The following TARBP1 variants were observed in gnomAD, a reference collection of about 807,000 sequenced individuals.
TARBP1 encodes tRNA guanosine 2 -O-methyltransferase TARBP1.
A neutral mutation model predicts 178.6 loss-of-function variants in TARBP1; 144 were observed. That is an observed-to-expected ratio of 0.81 (90% CI 0.70 to 0.93). The LOEUF (loss-of-function observed/expected upper bound fraction) is 0.93. TARBP1 is among the 40% of genes least tolerant of loss of function. TARBP1 has a pLI of 0.00. For missense variants in TARBP1, 2,067 were observed against 2,011.7 expected (o/e 1.03, Z -0.53); for synonymous variants, 787 against 781.0 (o/e 1.01, Z -0.13).
At chr1:234,466,977 A>G (rs1406677758) in intron 4 of TARBP1, among the ~76,000 whole-genome samples, 1 of 152,244 alleles carries the variant, frequency 6.6e-6, no homozygotes, top group African/African-American at 2.4e-5. Flanking sequence ...ACATGACACC[A>G]TAATATAAAA....
intron 12 of TARBP1, 26 bp from the exon 13 acceptor site, chr1:234,437,398 C>A (rs570417957): frequency 2.4e-6 from 3 of 1,227,872 alleles, no homozygotes; most frequent in Admixed American, 4.4e-5. Flanking sequence ...AAGCATGCAA[C>A]TAAAATGACA....
chr1:234,474,714 G>C lies in TARBP1; in HGVS notation c.932-1903C>G, dbSNP rs1394598839. On this transcript the variant is annotated intron_variant, in intron 1 of 29. Coordinates refer to ENST00000040877, the MANE Select transcript of TARBP1 (RefSeq NM_005646.4). ...TTGAATGGAAATATCTTCCAGGCTC[G>C]AATTCTACCCTCAGTCAAACCATCA... 4.0e-5 allele frequency among the ~76,000 whole-genome samples: 6 copies of C among 151,002 alleles called. No homozygotes were observed. In the South Asian group the frequency reaches 1.2e-3, roughly 31 times the overall value.
intron 22 of TARBP1, among the ~76,000 whole-genome samples, chr1:234,415,550 A>G (rs999522786): frequency 7.2e-5 from 11 of 152,142 alleles, no homozygotes; most frequent in African/African-American, 7.2e-5. Context: ...GGGACACTGA[A>G]AAATGCCAGG....
At chr1:234,449,775 T>A (rs760244448) in intron 10 of TARBP1, among the ~76,000 whole-genome samples, 13 of 152,186 alleles carry the variant, frequency 8.5e-5, no homozygotes, top group African/African-American at 2.9e-4. Context: ...TTAAGACATG[T>A]TAAATTCGAA....
chr1:234,403,621 C>T (rs1209341781), intron 24 of TARBP1, among the ~76,000 whole-genome samples: 2 of 152,194 alleles, frequency 1.3e-5, no homozygotes, highest in African/African-American at 4.8e-5. Context: ...CTGTCACAAG[C>T]CGATCCCAAG....
Position 234,405,895 on chromosome 1 carries a change from C to G in TARBP1, c.3989+8G>C. 1 of 1,612,062 alleles carries G rather than the reference C, an allele frequency of 6.2e-7. No individual in the cohort carries two copies. ...GTGAGGGCGATGAGGTTGACGAGGGCTCCTTACCCTGCTCCGTGCATGCTT... is the reference window on the plus strand; with the variant it reads ...GTGAGGGCGATGAGGTTGACGAGGGGTCCTTACCCTGCTCCGTGCATGCTT... On this transcript the variant is annotated splice_region_variant and intron_variant, in intron 24 of 29. Coordinates refer to ENST00000040877, the MANE Select transcript of TARBP1 (RefSeq NM_005646.4).
intron 13 of TARBP1, among the ~76,000 whole-genome samples, chr1:234,436,911 G>A (rs572628103): frequency 3.9e-5 from 6 of 152,240 alleles, no homozygotes; most frequent in East Asian, 3.9e-4. Context: ...TAACACACAC[G>A]CACCCCCACT....
At chr1:234,471,948 C>T (rs1669103099) in intron 2 of TARBP1, among the ~76,000 whole-genome samples, 1 of 152,152 alleles carries the variant, frequency 6.6e-6, no homozygotes, top group Non-Finnish European at 1.5e-5. Context: ...TGGCTGGCAC[C>T]TCTGTGGTCC....
At chr1:234,418,003 CTATT>C in intron 22 of TARBP1, 77 bp downstream of exon 22, 1 of 898,942 alleles carries the variant, frequency 1.1e-6, no homozygotes, top group Non-Finnish European at 1.5e-6. Flanking sequence ...TCAAAAACAA[CTATT>C]TAAGTGAAAC....
At chr1:234,460,892 G>A (rs569745638) in intron 6 of TARBP1, among the ~76,000 whole-genome samples, 60 of 152,264 alleles carry the variant, frequency 3.9e-4, no homozygotes, top group African/African-American at 1.3e-3. Flanking sequence ...GCCATAACAA[G>A]GATAAACCTT....
intron 14 of TARBP1, 37 bp downstream of exon 14, chr1:234,433,373 T>C (rs1664674609): frequency 1.3e-6 from 2 of 1,599,892 alleles, no homozygotes; most frequent in Non-Finnish European, 8.5e-7. Flanking sequence ...TATGCCTTAT[T>C]CAAGATAACT....
chr1:234,399,490 G>C (rs545895174), intron 25 of TARBP1, among the ~76,000 whole-genome samples: 2 of 152,254 alleles, frequency 1.3e-5, no homozygotes, highest in East Asian at 3.9e-4. Flanking sequence ...ATTCCTCAGG[G>C]ATCTAGAACT....
intron 12 of TARBP1, among the ~76,000 whole-genome samples, chr1:234,437,894 C>T (rs1372670177): frequency 1.3e-5 from 2 of 152,180 alleles, no homozygotes; most frequent in South Asian, 2.1e-4. Flanking sequence ...AAAGTGGCCT[C>T]GGAAAGCTGT....
At chr1:234,465,069 C>CAGATGGAT (rs1553302887) in intron 5 of TARBP1, among the ~76,000 whole-genome samples, 7 of 150,654 alleles carry the variant, frequency 4.6e-5, no homozygotes, top group Admixed American at 1.3e-4. Flanking sequence ...GATGGATGAA[C>CAGATGGAT]GGATGGATGG....
intron 10 of TARBP1, 24 bp from the exon 11 acceptor site, chr1:234,448,603 T>G: frequency 6.3e-7 from 1 of 1,590,288 alleles, no homozygotes. Context: ...AGTTAAGGTT[T>G]GCAAAGCATT....
At position 234,420,022 on chromosome 1, in the gene TARBP1, T is replaced by C. The variant is rs986716647; in HGVS notation, c.3555+680A>G. On this transcript the variant is annotated intron_variant, in intron 21 of 29. Transcript: ENST00000040877. Reference sequence around the variant, plus strand: ...ATTTTCATGTCTGAAAGATGTTTTTTGCATTGAAAAATGTTTTTAAAAATT... The same window carrying C: ...ATTTTCATGTCTGAAAGATGTTTTTCGCATTGAAAAATGTTTTTAAAAATT... Among the ~76,000 whole-genome samples, 26 of 152,230 alleles carry C rather than the reference T, an allele frequency of 1.7e-4. 1 individual carries two copies. The highest frequency in any genetic ancestry group is 6.3e-4 in the African/African-American group (26 of 41,474).
In TARBP1 at chr1:234,415,157, A is replaced by G. The variant is rs761059163; in HGVS notation, c.3705+2927T>C. ...AAATGGATGCAACTCGAGCCTGTTGAAAAGCCAATGGGACCATTTGGCTAA... is the reference window on the plus strand; with the variant it reads ...AAATGGATGCAACTCGAGCCTGTTGGAAAGCCAATGGGACCATTTGGCTAA... On this transcript the variant is annotated intron_variant, in intron 22 of 29. Transcript: ENST00000040877. Among the ~76,000 whole-genome samples the G allele has an allele frequency of 5.9e-5, 9 of 152,310 alleles. No homozygotes were observed. The South Asian group carries it at 1.7e-3, about 28-fold the overall frequency.
intron 26 of TARBP1, among the ~76,000 whole-genome samples, chr1:234,396,568 G>A (rs1202579266): frequency 6.6e-6 from 1 of 152,074 alleles, no homozygotes; most frequent in Non-Finnish European, 1.5e-5. Context: ...GGCTCTATGA[G>A]GCAGGGACTC....
chr1:234,406,232 G>T, intron 23 of TARBP1, 133 bp from the exon 24 acceptor site: 1 of 764,410 alleles, frequency 1.3e-6, no homozygotes, highest in Non-Finnish European at 2.1e-6. Context: ...TTGCTACCAG[G>T]GCCTCTCATT....
Sources: gnomAD v4.1 joint callset for allele counts (sites outside exome capture counted in the v4.1 genomes callset) on GRCh38, gnomAD v4.1.1 for gene constraint, MANE v1.5 for transcripts, NCBI Gene and HGNC (gene_info 2026-07-23, HGNC 2026-07-21) for gene names.